The following NDUFA10 variants were observed in gnomAD, a reference collection of about 807,000 sequenced individuals.
The protein encoded by NDUFA10 is NADH dehydrogenase [ubiquinone] 1 alpha subcomplex subunit 10, mitochondrial.
In NDUFA10, 40 loss-of-function variants were observed where a neutral mutation model predicts 47.8. That is an observed-to-expected ratio of 0.84 (90% CI 0.65 to 1.09). The LOEUF (loss-of-function observed/expected upper bound fraction) is 1.09. Ranked by LOEUF, NDUFA10 falls within the 50% of genes least tolerant of loss-of-function variation. NDUFA10 has a pLI of 0.00. For synonymous variants in NDUFA10, 183 were observed against 172.2 expected, an observed-to-expected ratio of 1.06 and a Z score of -0.49; for missense variants, 413 against 451.1, an observed-to-expected ratio of 0.92 and a Z score of 0.76.
intron 4 of NDUFA10, among the ~76,000 whole-genome samples, chr2:239,915,962 A>G (rs1319197088): frequency 2.7e-5 from 2 of 72,730 alleles, no homozygotes; most frequent in Non-Finnish European, 4.9e-5. Flanking sequence ...ACAGAGATAC[A>G]TGGACATACA....
At chr2:239,951,407 T>G (rs925172532) in intron 4 of NDUFA10, among the ~76,000 whole-genome samples, 1 of 152,110 alleles carries the variant, frequency 6.6e-6, no homozygotes, top group African/African-American at 2.4e-5. Flanking sequence ...GGGAAGAAAG[T>G]GGGGCCAGGG....
chr2:239,946,494 G>A lies in NDUFA10; in HGVS notation c.294+43580C>T, dbSNP rs544653278. Among the ~76,000 whole-genome samples the A allele has an allele frequency of 4.6e-5, 7 of 152,302 alleles. No individual in the cohort carries two copies. In the East Asian group the frequency reaches 9.7e-4, roughly 21 times the overall value. ...CCGCAGGCACTGCGCTCAGAGCCAC[G>A]GAGTGAGTCTCAAGCCCAAGGGCTC... On this transcript the variant is annotated intron_variant, in intron 4 of 5. Transcript: ENST00000419408.
intron 4 of NDUFA10, among the ~76,000 whole-genome samples, chr2:239,910,953 G>C (rs1327526835): frequency 6.6e-6 from 1 of 152,198 alleles, no homozygotes; most frequent in Non-Finnish European, 1.5e-5. Flanking sequence ...CTATTTCCAA[G>C]TGCCCGGCAG....
In NDUFA10 at chr2:240,016,943, T is replaced by A. The variant is rs926140564; in HGVS notation, c.547+1610A>T. Reference sequence around the variant, plus strand: ...GCATCCTTCCCCCTTAGCGGCCCACTAGCCAGGGCAGGTCCACGCCACTCC... The same window carrying A: ...GCATCCTTCCCCCTTAGCGGCCCACAAGCCAGGGCAGGTCCACGCCACTCC... On this transcript the variant is annotated intron_variant, in intron 4 of 9. Transcript: ENST00000252711. This position sits in a 1 kb window ranked among gnomAD's most constrained non-coding sequence, Gnocchi z 4.4. 3.3e-5 allele frequency among the ~76,000 whole-genome samples: 5 copies of A among 152,064 alleles called. No individual in the cohort carries two copies. In the South Asian group the frequency reaches 8.3e-4, roughly 25 times the overall value.
rs1694424933 is a variant in NDUFA10, at chr2:239,945,105, A to G, written c.294+44969T>C. On this transcript the variant is annotated intron_variant, in intron 4 of 5. Coordinates refer to the NDUFA10 transcript ENST00000419408. This position sits in a 1 kb window ranked among gnomAD's most constrained non-coding sequence, Gnocchi z 4.6. The stretch of plus-strand genomic sequence containing the variant: ...AAGCCTCCCTGCCTCTCCTCTCTCT[A>G]TCCTCTACAGAAACCCAGGCACGTG... Among the ~76,000 whole-genome samples, 2 of 151,496 alleles carry G rather than the reference A, an allele frequency of 1.3e-5. No individual in the cohort carries two copies. The highest frequency in any genetic ancestry group is 4.9e-5 in the African/African-American group (2 of 41,170).
intron 4 of NDUFA10, among the ~76,000 whole-genome samples, chr2:239,908,456 C>T (rs1013378667): frequency 5.9e-5 from 9 of 152,154 alleles, no homozygotes; most frequent in African/African-American, 9.7e-5. Context: ...CCCCTGGGCA[C>T]GGTGCTCCCA....
At chr2:239,934,484 CATTTT>C (rs1270851654) in intron 4 of NDUFA10, among the ~76,000 whole-genome samples, 2 of 151,674 alleles carry the variant, frequency 1.3e-5, no homozygotes, top group East Asian at 1.9e-4. Context: ...ATCACCTTTT[CATTTT>C]ATTTTTTTAT....
chr2:239,919,040 G>A (rs1370899910), intron 4 of NDUFA10, among the ~76,000 whole-genome samples: 2 of 152,224 alleles, frequency 1.3e-5, no homozygotes, highest in Non-Finnish European at 2.9e-5. Context: ...GAAGACAGCA[G>A]GGATGGGAGG....
intron 3 of NDUFA10, among the ~76,000 whole-genome samples, chr2:240,019,213 C>A (rs1183887717): frequency 1.3e-5 from 2 of 152,194 alleles, no homozygotes; most frequent in African/African-American, 4.8e-5. Context: ...TCACTTGGGG[C>A]AAGACATTCC....
intron 4 of NDUFA10, among the ~76,000 whole-genome samples, chr2:239,899,951 G>A (rs1359993536): frequency 6.6e-6 from 1 of 151,938 alleles, no homozygotes; most frequent in African/African-American, 2.4e-5. Flanking sequence ...AGCCTGGGAA[G>A]TTATCTTCCC....
intron 9 of NDUFA10, among the ~76,000 whole-genome samples, chr2:239,962,645 G>A (rs866619233): frequency 2.0e-5 from 3 of 152,186 alleles, no homozygotes; most frequent in African/African-American, 4.8e-5. Flanking sequence ...AGACATACCC[G>A]GGGCTGAGAA....
At chr2:239,916,669 A>G (rs1407909288) in intron 4 of NDUFA10, among the ~76,000 whole-genome samples, 1 of 152,260 alleles carries the variant, frequency 6.6e-6, no homozygotes, top group Non-Finnish European at 1.5e-5. Context: ...AGGCACCAGC[A>G]GGTTTGGTGT....
At chr2:239,951,937 C>A (rs1425444206) in intron 4 of NDUFA10, among the ~76,000 whole-genome samples, 1 of 152,244 alleles carries the variant, frequency 6.6e-6, no homozygotes, top group East Asian at 1.9e-4. Context: ...CTGGCTCTGT[C>A]CCTCTCGAGA....
intron 4 of NDUFA10, among the ~76,000 whole-genome samples, chr2:239,948,255 G>T (rs1694490970): frequency 6.6e-6 from 1 of 152,206 alleles, no homozygotes; most frequent in Non-Finnish European, 1.5e-5. Flanking sequence ...CAGAGACGAA[G>T]CCAGGCTGTG....
intron 4 of NDUFA10, among the ~76,000 whole-genome samples, chr2:239,915,613 CAT>C (rs1211936567): frequency 1.5e-4 from 23 of 149,576 alleles, no homozygotes; most frequent in South Asian, 8.4e-4. Context: ...CACACACACA[CAT>C]ACACAGACAC....
chr2:239,983,567 G>A, intron 9 of NDUFA10: 1 of 1,599,462 alleles, frequency 6.3e-7, no homozygotes, highest in Non-Finnish European at 8.5e-7. Context: ...TCTGGAAAGA[G>A]GAAGAGCAGC....
At chr2:239,915,307 GAT>G (rs1421538371) in intron 4 of NDUFA10, among the ~76,000 whole-genome samples, 1 of 105,618 alleles carries the variant, frequency 9.5e-6, no homozygotes, top group Non-Finnish European at 2.1e-5. Context: ...GAGAGACAGA[GAT>G]AAACATACAC....
At chr2:239,929,712 C>T (rs551911396) in intron 4 of NDUFA10, among the ~76,000 whole-genome samples, 106 of 145,802 alleles carry the variant, frequency 7.3e-4, no homozygotes, top group Middle Eastern at 3.6e-3. Flanking sequence ...CTTGCTCCTC[C>T]GCCGGCCCTG....
At chr2:239,909,162 G>C (rs1693704241) in intron 4 of NDUFA10, among the ~76,000 whole-genome samples, 1 of 152,198 alleles carries the variant, frequency 6.6e-6, no homozygotes, top group African/African-American at 2.4e-5. Flanking sequence ...AAGCAAAACA[G>C]ATGGACCCTA....
Sources: allele counts gnomAD v4.1 joint callset (sites outside exome capture counted in the v4.1 genomes callset), GRCh38; gene constraint gnomAD v4.1.1; non-coding constraint Gnocchi (gnomAD v3.1); transcripts MANE v1.5; gene names NCBI Gene and HGNC (gene_info 2026-07-23, HGNC 2026-07-21).